Variants in TIMELESS observed in about 807,000 individuals in gnomAD.
TIMELESS encodes the protein timeless circadian regulator.
TIMELESS carries 124 observed loss-of-function variants against 164.3 expected under a neutral mutation model. That is an observed-to-expected ratio of 0.75 (90% confidence interval 0.65 to 0.88). TIMELESS has a LOEUF of 0.88. Among genes scored for constraint, TIMELESS ranks in the 40% least tolerant of loss-of-function variants. The pLI is 0.00. For synonymous variants in TIMELESS, 564 were observed against 563.4 expected (o/e 1.00, Z -0.02); for missense variants, 1,422 against 1,491.4 (o/e 0.95, Z 0.77).
rs1881990951 is a variant in TIMELESS, at chr12:56,434,088, T to C, written c.83A>G (p.Glu28Gly). The change falls in exon 2 of 29, where the codon GAA becomes GGA. Residue 28 changes from glutamate to glycine, a missense_variant. Glu to Gly is a moderately conservative substitution (Grantham distance 98). Coordinates refer to ENST00000553532, the MANE Select transcript of TIMELESS (RefSeq NM_003920.5). Reference protein sequence around the residue: ...GYLEGDTYHKEPDCLESVKDL... With the variant: ...GYLEGDTYHKGPDCLESVKDL... Reference sequence around the variant, plus strand: ...AAGGTACTCACCTAAGCAATCTGGTTCCTTATGGTAAGTGTCTCCCTCCAA... The same window carrying C: ...AAGGTACTCACCTAAGCAATCTGGTCCCTTATGGTAAGTGTCTCCCTCCAA... 1 of 1,614,050 alleles carries C rather than the reference T, an allele frequency of 6.2e-7. No individual in the cohort carries two copies. Among genetic ancestry groups the C allele is most frequent in the South Asian group, 1.1e-5 (1 of 91,086 alleles).
At chr12:56,448,853 C>T (rs1192126385) in intron 1 of TIMELESS, among the ~76,000 whole-genome samples, 11 of 152,202 alleles carry the variant, frequency 7.2e-5, no homozygotes, top group Non-Finnish European at 1.0e-4. Context: ...CCGAACAAGG[C>T]AACGAAGGGA....
At position 56,417,062 on chromosome 12, in the gene TIMELESS, T is replaced by A. The variant is rs1015494728; in HGVS notation, c.*654A>T. ...TACCCTAAAATTGTTAAGTTCTTCT[T>A]TCAAGAGCACAGCAGGGGAAGGGCT... is the stretch of plus-strand genomic sequence containing the variant. On this transcript the variant is annotated 3_prime_UTR_variant, in exon 29 of 29. Coordinates refer to ENST00000553532, the MANE Select transcript of TIMELESS (RefSeq NM_003920.5). 3 of 152,566 alleles carry A rather than the reference T, an allele frequency of 2.0e-5. No individual in the cohort carries two copies. Among genetic ancestry groups the A allele is most frequent in the African/African-American group, 7.2e-5 (3 of 41,420 alleles). 9.5% of individuals were successfully genotyped at this position (152,566 alleles called of 1,614,324 possible).
At position 56,417,381 on chromosome 12, in the gene TIMELESS, A is replaced by G. The variant is rs1881297575; in HGVS notation, c.*335T>C. 3 of 241,954 alleles carry G rather than the reference A, an allele frequency of 1.2e-5. No individual in the cohort carries two copies. Among genetic ancestry groups the G allele is most frequent in the South Asian group, 1.5e-4 (2 of 13,684 alleles). 15.0% of individuals were successfully genotyped at this position (241,954 alleles called of 1,614,324 possible). On this transcript the variant is annotated 3_prime_UTR_variant, in exon 29 of 29. Transcript: ENST00000553532. ...CAAGAGAAAGCCAAAGGAACAGACC[A>G]ATAAAAGGGGTCCGGGGTGCTTTCT...
chr12:56,434,251 T>C lies in TIMELESS; in HGVS notation c.-61-20A>G, dbSNP rs1881998964. 3 of 1,158,716 alleles carry C rather than the reference T, an allele frequency of 2.6e-6. No homozygotes were observed. The highest frequency in any genetic ancestry group is 3.9e-6 in the Non-Finnish European group (3 of 775,332). The allele number at this position is 1,158,716 out of a possible 1,614,324, so 71.8% of individuals were successfully genotyped here. A position where few individuals can be genotyped will look rare whatever the true frequency, so the allele number is the denominator to read the frequency against. On this transcript the variant is annotated intron_variant, in intron 1 of 28. Coordinates refer to ENST00000553532, the MANE Select transcript of TIMELESS (RefSeq NM_003920.5). ...TGAGGCCTGGAGAAATAGAGAAAGATAAAAAATGTAAGTTCCTCTCCATGA... is the reference window on the plus strand; with the variant it reads ...TGAGGCCTGGAGAAATAGAGAAAGACAAAAAATGTAAGTTCCTCTCCATGA...
Position 56,423,577 on chromosome 12 carries a change from C to G in TIMELESS, c.2090+7G>C. The G allele has an allele frequency of 6.2e-7, 1 of 1,614,052 alleles. No individual in the cohort carries two copies. Among genetic ancestry groups the G allele is most frequent in the Non-Finnish European group, 8.5e-7 (1 of 1,179,964 alleles). ...TCTAGGACCAACTCAGGCCTCTCAG[C>G]CCGCACCGTTTCAGGTAGTCCAGAA... On this transcript the variant is annotated splice_region_variant and intron_variant, in intron 17 of 28. Transcript: ENST00000553532.
intron 9 of TIMELESS, 96 bp from the exon 10 acceptor site, chr12:56,430,377 T>C (rs1298473757): frequency 7.0e-7 from 1 of 1,433,716 alleles, no homozygotes; most frequent in Non-Finnish European, 9.4e-7. Flanking sequence ...ATTTTTGTTT[T>C]TCTTTTGAGA....
In TIMELESS at chr12:56,425,876, A is replaced by AT. The variant is rs1167127658; in HGVS notation, c.1579-725_1579-724insA. 3.9e-3 allele frequency among the ~76,000 whole-genome samples: 597 copies of AT among 152,190 alleles called. 3 individuals are homozygous for AT. The highest frequency in any genetic ancestry group is 0.013 in the African/African-American group (552 of 41,508). ...GGTAACAGAGCGAGACCCTGCTTAA[A>AT]AAAATAAATAAATAAATAAATAATT... On this transcript the variant is annotated intron_variant, in intron 13 of 28. Coordinates refer to ENST00000553532, the MANE Select transcript of TIMELESS (RefSeq NM_003920.5).
rs889449217 is a variant in TIMELESS, at chr12:56,423,806, G to A, written c.1957C>T (p.Pro653Ser). Residue 653 changes from proline (P) to serine (S), a missense_variant, in exon 16 of 29, where the codon CCA (proline) becomes TCA (serine). Physicochemically the swap from Pro to Ser is moderately conservative, Grantham distance 74. Coordinates refer to ENST00000553532, the MANE Select transcript of TIMELESS (RefSeq NM_003920.5). ...AAGGGTGGAGACTCACGGGGAAGTG[G>A]AGCAGAGAGGATTTGTTTCAGCAAC... ...IQLLKQILSAPLPRQQGPEER... is the reference protein window; with the variant it reads ...IQLLKQILSASLPRQQGPEER... 2 of 1,614,028 alleles carry A rather than the reference G, an allele frequency of 1.2e-6. No individual in the cohort carries two copies. Among genetic ancestry groups the A allele is most frequent in the African/African-American group, 1.3e-5 (1 of 74,898 alleles).
intron 19 of TIMELESS, 24 bp downstream of exon 19, chr12:56,422,822 CA>C: frequency 6.4e-7 from 1 of 1,568,280 alleles, no homozygotes; most frequent in Non-Finnish European, 8.7e-7. Flanking sequence ...TACCCCCACC[CA>C]CCCTTTGCCA....
chr12:56,424,614 A>AC, intron 15 of TIMELESS, 148 bp downstream of exon 15: 1 of 897,972 alleles, frequency 1.1e-6, no homozygotes, highest in Non-Finnish European at 1.5e-6. Flanking sequence ...AACCCAACAA[A>AC]CCAATCAAAA....
intron 1 of TIMELESS, among the ~76,000 whole-genome samples, chr12:56,439,489 G>A (rs1335263387): frequency 6.6e-6 from 1 of 150,890 alleles, no homozygotes; most frequent in Non-Finnish European, 1.5e-5. Flanking sequence ...TCAACTCCTT[G>A]GCCCAAGCAA....
intron 23 of TIMELESS, 45 bp downstream of exon 23, chr12:56,421,306 A>G (rs754353889): frequency 2.5e-6 from 4 of 1,602,034 alleles, no homozygotes; most frequent in Non-Finnish European, 2.6e-6. Context: ...GGACCACTTC[A>G]AGGGAAGTGA....
chr12:56,436,919 G>C (rs1345122399), intron 1 of TIMELESS, among the ~76,000 whole-genome samples: 2 of 151,884 alleles, frequency 1.3e-5, no homozygotes, highest in Non-Finnish European at 2.9e-5. Flanking sequence ...TTGGCATATA[G>C]CGAGCATGCA....
chr12:56,449,143 A>C lies in TIMELESS; in HGVS notation c.-62+167T>G, dbSNP rs1160584854. 3.3e-5 allele frequency among the ~76,000 whole-genome samples: 5 copies of C among 152,338 alleles called. 1 individual carries two copies. The South Asian group carries it at 6.2e-4, about 19-fold the overall frequency. On this transcript the variant is annotated intron_variant, in intron 1 of 28. Coordinates refer to ENST00000553532, the MANE Select transcript of TIMELESS (RefSeq NM_003920.5). ...ACCCGGGAACGCGGCGCGGGAGACT[A>C]AGGAGCAGAGTACAGAATTGCGCGT...
chr12:56,428,851 C>T, intron 11 of TIMELESS, 32 bp downstream of exon 11: 2 of 1,604,362 alleles, frequency 1.2e-6, no homozygotes, highest in Non-Finnish European at 1.7e-6. Flanking sequence ...AGATCCCTAG[C>T]TCACTGTATC....
At chr12:56,446,969 T>A (rs1229419482) in intron 1 of TIMELESS, among the ~76,000 whole-genome samples, 4 of 151,874 alleles carry the variant, frequency 2.6e-5, no homozygotes, top group Admixed American at 6.6e-5. Flanking sequence ...AAAGTCTATC[T>A]CCCTCCATTA....
chr12:56,422,867 G>A lies in TIMELESS; in HGVS notation c.2418C>T (p.Gly806=), dbSNP rs1881540692. The stretch of plus-strand genomic sequence containing the variant: ...CTCACCTGTCATCCAGGGAGCCATA[G>A]CCCTCAGTCATCTCTCGAACCACAG... The part of the protein sequence containing the change: ...NTAVVREMTE[G]YGSLDDRSSS... Residue 806 remains glycine, a synonymous_variant, in exon 19 of 29, where the codon GGC becomes GGT. Transcript: ENST00000553532. 6.8e-7 allele frequency: 1 copy of A among 1,466,530 alleles called. No individual in the cohort carries two copies. Among genetic ancestry groups the A allele is most frequent in the Middle Eastern group, 2.4e-4 (1 of 4,228 alleles). 90.8% of individuals were successfully genotyped at this position (1,466,530 alleles called of 1,614,324 possible). A position where few individuals can be genotyped will look rare whatever the true frequency, so the allele number is the denominator to read the frequency against.
At chr12:56,447,280 T>C (rs1347611406) in intron 1 of TIMELESS, among the ~76,000 whole-genome samples, 2 of 148,044 alleles carry the variant, frequency 1.4e-5, no homozygotes, top group African/African-American at 2.5e-5. Flanking sequence ...TTTCCAGCGA[T>C]GGGGCTTAGG....
rs766374898 is a variant in TIMELESS at position 56,417,805 on chromosome 12, T to C, written c.3557-19A>G. Reference sequence around the variant, plus strand: ...TCTGGTGCTGTGGGAACGATGGGGGTGAGAGAGAGAGAGAATATCTAAATA... The same window carrying C: ...TCTGGTGCTGTGGGAACGATGGGGGCGAGAGAGAGAGAGAATATCTAAATA... On this transcript the variant is annotated intron_variant, in intron 28 of 28. Coordinates refer to ENST00000553532, the MANE Select transcript of TIMELESS (RefSeq NM_003920.5). 1 of 1,608,532 alleles carries C rather than the reference T, an allele frequency of 6.2e-7. No homozygotes were observed. Among genetic ancestry groups the C allele is most frequent in the Non-Finnish European group, 8.5e-7 (1 of 1,176,342 alleles).
Sources: gnomAD v4.1 joint callset for allele counts (sites outside exome capture counted in the v4.1 genomes callset) on GRCh38, gnomAD v4.1.1 for gene constraint, MANE v1.5 for transcripts, NCBI Gene and HGNC (gene_info 2026-07-23, HGNC 2026-07-21) for gene names.